Variants in DLD observed in about 807,000 individuals in gnomAD.
DLD encodes dihydrolipoamide dehydrogenase.
In DLD, 36 loss-of-function variants were observed where a neutral mutation model predicts 62.2. The ratio of observed to expected loss-of-function variants is 0.58; its 90% CI spans 0.44 to 0.76. The LOEUF is 0.76. Ranked by LOEUF, DLD falls within the 30% of genes least tolerant of loss-of-function variation. The pLI is 0.00. For synonymous variants in DLD, 204 were observed against 199.6 expected, an observed-to-expected ratio of 1.02 and a Z score of -0.19; for missense variants, 541 against 608.6, an observed-to-expected ratio of 0.89 and a Z score of 1.17.
intron 5 of DLD, among the ~76,000 whole-genome samples, chr7:107,904,183 A>C (rs543304256): frequency 6.6e-6 from 1 of 152,310 alleles, no homozygotes; most frequent in South Asian, 2.1e-4. Context: ...TACTTAAGGC[A>C]ATCCATTGGG....
intron 8 of DLD, among the ~76,000 whole-genome samples, chr7:107,914,749 T>C (rs922170141): frequency 6.6e-6 from 1 of 152,342 alleles, no homozygotes; most frequent in East Asian, 1.9e-4. Flanking sequence ...TCATATTTAA[T>C]GCTGTGAAAT....
intron 1 of DLD, 120 bp downstream of exon 1, chr7:107,891,409 C>G (rs973209618): frequency 2.9e-5 from 33 of 1,132,148 alleles, no homozygotes; most frequent in Non-Finnish European, 4.3e-5. Flanking sequence ...GCCGCACCAC[C>G]CCTGGCCCCG....
At position 107,915,585 on chromosome 7, in the gene DLD, T is replaced by G; in HGVS notation, c.764T>G (p.Met255Arg). 6.2e-7 allele frequency: 1 copy of G among 1,613,816 alleles called. No homozygotes were observed. Reference protein sequence around the residue: ...LGHVGGVGIDMEISKNFQRIL... With the variant: ...LGHVGGVGIDREISKNFQRIL... ...CATGTAGGTGGAGTTGGAATTGATA[T>G]GGAGATATCTAAAAACTTTCAACGC... The change falls in exon 9 of 14, where the codon ATG becomes AGG. Residue 255 changes from methionine to arginine, a missense_variant. Physicochemically the swap from Met to Arg is moderately conservative, Grantham distance 91 (BLOSUM62 -1). Coordinates refer to ENST00000205402, the MANE Select transcript of DLD (RefSeq NM_000108.5).
rs1360001279 is a variant in DLD, at chr7:107,917,045, T to C, written c.1046+81T>C. On this transcript the variant is annotated intron_variant, in intron 10 of 13. Coordinates refer to ENST00000205402, the MANE Select transcript of DLD (RefSeq NM_000108.5). ...ATTTTGAAAAGTAAGATTTTTATGC[T>C]TAAAATATGTATTGGCTTTGGGGAA... is the stretch of plus-strand genomic sequence containing the variant. 9.2e-6 allele frequency: 13 copies of C among 1,414,966 alleles called. 1 individual carries two copies. The East Asian group carries it at 9.6e-5, about 10-fold the overall frequency. The allele number at this position is 1,414,966 out of a possible 1,614,324, so 87.7% of individuals were successfully genotyped here. A position where few individuals can be genotyped will look rare whatever the true frequency, so the allele number is the denominator to read the frequency against.
intron 8 of DLD, among the ~76,000 whole-genome samples, chr7:107,912,173 T>C (rs1336736236): frequency 6.6e-6 from 1 of 152,182 alleles, no homozygotes; most frequent in South Asian, 2.1e-4. Flanking sequence ...TTCATTCTTT[T>C]TTATGGCTGA....
intron 2 of DLD, among the ~76,000 whole-genome samples, chr7:107,897,692 C>T (rs2031762929): frequency 6.6e-6 from 1 of 150,812 alleles, no homozygotes; most frequent in South Asian, 2.1e-4. Context: ...GATTCTCATG[C>T]CTCAGCCTCC....
intron 12 of DLD, among the ~76,000 whole-genome samples, chr7:107,918,695 C>T (rs184839074): frequency 8.2e-4 from 125 of 152,180 alleles, no homozygotes; most frequent in African/African-American, 2.8e-3. Context: ...CTTTAGTATA[C>T]ATTTTGTTAT....
intron 2 of DLD, among the ~76,000 whole-genome samples, chr7:107,899,863 A>G (rs996247733): frequency 2.6e-5 from 4 of 152,072 alleles, no homozygotes; most frequent in Non-Finnish European, 4.4e-5. Context: ...ATCAGAAAAG[A>G]CATTAAAAAT....
intron 9 of DLD, 69 bp downstream of exon 9, chr7:107,915,765 A>C: frequency 7.0e-7 from 1 of 1,425,232 alleles, no homozygotes; most frequent in Non-Finnish European, 9.8e-7. Flanking sequence ...AAGTTTCAAA[A>C]TCAGTTTAGC....
At chr7:107,892,866 A>G (rs2116160678) in intron 1 of DLD, among the ~76,000 whole-genome samples, 1 of 152,338 alleles carries the variant, frequency 6.6e-6, no homozygotes, top group South Asian at 2.1e-4. Context: ...TATGACATTA[A>G]AATGATCCCT....
At chr7:107,914,574 G>C (rs1483919595) in intron 8 of DLD, among the ~76,000 whole-genome samples, 1 of 152,006 alleles carries the variant, frequency 6.6e-6, no homozygotes, top group African/African-American at 2.4e-5. Context: ...TAGATTTTTA[G>C]TGTCACTATA....
At chr7:107,902,894 T>C (rs868655010) in intron 4 of DLD, among the ~76,000 whole-genome samples, 2 of 152,344 alleles carry the variant, frequency 1.3e-5, no homozygotes, top group East Asian at 3.9e-4. Flanking sequence ...TGAATTGGTG[T>C]AGTGCCATAT....
intron 11 of DLD, 28 bp from the exon 12 acceptor site, chr7:107,917,896 G>C: frequency 6.2e-7 from 1 of 1,613,724 alleles, no homozygotes; most frequent in African/African-American, 1.3e-5. Flanking sequence ...TGGCAGTTAC[G>C]TAGATTCTTT....
At chr7:107,891,125 C>A, upstream of DLD, 2 of 1,258,312 alleles carry the variant, frequency 1.6e-6, no homozygotes, top group Non-Finnish European at 2.3e-6. Flanking sequence ...GCGGGCCAAT[C>A]GCGCTGCTCC....
chr7:107,905,789 G>C, intron 7 of DLD: 2 of 437,670 alleles, frequency 4.6e-6, no homozygotes, highest in Non-Finnish European at 8.3e-6. Context: ...AATGGGATTT[G>C]ATGAAATTAG....
At chr7:107,901,284 A>G (rs2031869178) in intron 2 of DLD, among the ~76,000 whole-genome samples, 1 of 152,140 alleles carries the variant, frequency 6.6e-6, no homozygotes, top group Non-Finnish European at 1.5e-5. Flanking sequence ...TTTCATCCCC[A>G]TATTACAGAA....
intron 2 of DLD, among the ~76,000 whole-genome samples, chr7:107,897,523 C>T (rs1021515462): frequency 2.0e-5 from 3 of 150,966 alleles, no homozygotes; most frequent in Non-Finnish European, 2.9e-5. Flanking sequence ...GACTGGCTCA[C>T]TAACTGGCAC....
intron 4 of DLD, among the ~76,000 whole-genome samples, chr7:107,902,612 C>T (rs1247272934): frequency 6.6e-6 from 1 of 152,224 alleles, no homozygotes; most frequent in Non-Finnish European, 1.5e-5. Context: ...GAAATAACTT[C>T]CTTGTCTCAG....
intron 8 of DLD, among the ~76,000 whole-genome samples, chr7:107,913,073 T>A (rs894470330): frequency 6.6e-6 from 1 of 152,180 alleles, no homozygotes; most frequent in African/African-American, 2.4e-5. Flanking sequence ...CCTCACTGTG[T>A]TTGTGGTACC....
Sources: allele counts gnomAD v4.1 joint callset (sites outside exome capture counted in the v4.1 genomes callset), GRCh38; gene constraint gnomAD v4.1.1; transcripts MANE v1.5; gene names NCBI Gene and HGNC (gene_info 2026-07-23, HGNC 2026-07-21).